Variants in CCDC169 observed in about 807,000 individuals in gnomAD.
CCDC169 encodes coiled-coil domain containing 169, also known as coiled-coil domain-containing protein 169.
In CCDC169, 30 loss-of-function variants were observed where a neutral mutation model predicts 36.0. The ratio of observed to expected loss-of-function variants is 0.83; its 90% CI spans 0.62 to 1.13. CCDC169 has a LOEUF of 1.13. Among genes scored for constraint, CCDC169 ranks in the 50% most tolerant of loss-of-function variants. The pLI is 0.00. For missense variants in CCDC169, 245 were observed against 245.9 expected (o/e 1.00, Z 0.03); for synonymous variants, 85 against 81.5 (o/e 1.04, Z -0.23).
At position 36,252,597 on chromosome 13, in the gene CCDC169, T is replaced by C. The variant is rs567467052; in HGVS notation, c.468+1206A>G. On this transcript the variant is annotated intron_variant, in intron 6 of 7. Coordinates refer to ENST00000239859, the MANE Select transcript of CCDC169 (RefSeq NM_001144981.3). The stretch of plus-strand genomic sequence containing the variant: ...ACCCTCTTTTCGGCTCTTCCTCCCT[T>C]GACTGTCACTGTTGAACTTCTTCAG... Among the ~76,000 whole-genome samples, 52 of 152,322 alleles carry C rather than the reference T, an allele frequency of 3.4e-4. 1 individual carries two copies. The South Asian group carries it at 0.011, about 32-fold the overall frequency.
chr13:36,225,127 T>G (rs1869797057), downstream of CCDC169: 5 of 152,080 alleles, frequency 3.3e-5, no homozygotes, highest in Admixed American at 1.3e-4. Flanking sequence ...TTTCACCATA[T>G]GCAAAAATTA....
intron 2 of CCDC169, among the ~76,000 whole-genome samples, chr13:36,287,100 A>C (rs1878345647): frequency 1.3e-5 from 2 of 152,296 alleles, no homozygotes; most frequent in African/African-American, 4.8e-5. Flanking sequence ...TTACAGCAAG[A>C]AAAATTTAGA....
At chr13:36,228,130 T>C (rs1457951220), downstream of CCDC169, among the ~76,000 whole-genome samples, 1 of 152,208 alleles carries the variant, frequency 6.6e-6, no homozygotes, top group East Asian at 1.9e-4. Context: ...CCACAAACCT[T>C]CCTGTACATG....
intron 4 of CCDC169, among the ~76,000 whole-genome samples, chr13:36,255,629 C>G (rs1337313718): frequency 7.2e-6 from 1 of 139,800 alleles, no homozygotes; most frequent in Non-Finnish European, 1.5e-5. Context: ...TGCCACTGCA[C>G]TCCAAGCTGA....
chr13:36,245,939 C>T (rs550822786), intron 7 of CCDC169, among the ~76,000 whole-genome samples: 1 of 152,186 alleles, frequency 6.6e-6, no homozygotes, highest in African/African-American at 2.4e-5. Flanking sequence ...TTACTATATC[C>T]GTTAATGGTG....
chr13:36,293,172 A>C (rs896407400), intron 2 of CCDC169, among the ~76,000 whole-genome samples: 4 of 152,166 alleles, frequency 2.6e-5, no homozygotes, highest in South Asian at 4.1e-4. Flanking sequence ...ACATGTGCGC[A>C]TATTTCCAGT....
chr13:36,283,869 A>G lies in CCDC169; in HGVS notation c.164-167T>C, dbSNP rs117239043. ...TTAAGTCTGTATTTCTGTTAGTAAG[A>G]TTTTCCAGACTGCAAGAATTAGACT... On this transcript the variant is annotated intron_variant, in intron 2 of 7. Transcript: ENST00000239859. Among the ~76,000 whole-genome samples the G allele has an allele frequency of 2.0e-5, 3 of 152,248 alleles. No homozygotes were observed. In the East Asian group the frequency reaches 5.8e-4, roughly 29 times the overall value.
chr13:36,289,609 C>A (rs1878629763), intron 2 of CCDC169, among the ~76,000 whole-genome samples: 1 of 152,178 alleles, frequency 6.6e-6, no homozygotes, highest in Non-Finnish European at 1.5e-5. Flanking sequence ...AGTCACACTG[C>A]AGGTTTTTCT....
chr13:36,274,868 ATTTTTTTTT>A (rs3083971), intron 4 of CCDC169, among the ~76,000 whole-genome samples: 1 of 118,508 alleles, frequency 8.4e-6, no homozygotes, highest in African/African-American at 3.2e-5. Flanking sequence ...CATTAGCTGC[ATTTTTTTTT>A]TTTTTTTTTT....
At chr13:36,286,192 G>T (rs1878233393) in intron 2 of CCDC169, among the ~76,000 whole-genome samples, 2 of 152,146 alleles carry the variant, frequency 1.3e-5, no homozygotes, top group South Asian at 4.2e-4. Flanking sequence ...CCCAGCAGCT[G>T]CCAAGACTCT....
intron 2 of CCDC169, among the ~76,000 whole-genome samples, chr13:36,285,598 G>GATAGATAGATAT (rs1878107899): frequency 6.9e-6 from 1 of 144,172 alleles, no homozygotes; most frequent in African/African-American, 2.5e-5. Context: ...TAGATAGATA[G>GATAGATAGATAT]ATAGATAGAT....
intron 4 of CCDC169, among the ~76,000 whole-genome samples, chr13:36,266,846 A>C (rs1020197087): frequency 2.0e-5 from 3 of 152,202 alleles, no homozygotes; most frequent in Non-Finnish European, 2.9e-5. Flanking sequence ...CACACCTACC[A>C]ATCAGAACAG....
chr13:36,226,640 G>C (rs1191992811), downstream of CCDC169: 1 of 152,556 alleles, frequency 6.6e-6, no homozygotes, highest in Non-Finnish European at 1.5e-5. Context: ...CATGTCCTTT[G>C]TAACAATATG....
At chr13:36,257,197 G>A (rs1463657680) in intron 4 of CCDC169, among the ~76,000 whole-genome samples, 1 of 152,196 alleles carries the variant, frequency 6.6e-6, no homozygotes, top group South Asian at 2.1e-4. Context: ...CAATGCCTTG[G>A]GGGAGTGGAA....
chr13:36,265,618 T>C (rs1056821669), intron 4 of CCDC169, among the ~76,000 whole-genome samples: 1 of 152,256 alleles, frequency 6.6e-6, no homozygotes, highest in Non-Finnish European at 1.5e-5. Flanking sequence ...TCTTTAATTA[T>C]GGCACTAATC....
chr13:36,282,548 A>C (rs1187951653), intron 4 of CCDC169: 1 of 985,120 alleles, frequency 1.0e-6, no homozygotes, highest in East Asian at 1.1e-4. Context: ...AGAGAGGACC[A>C]GTTCTGTTTA....
rs74045286 is a variant in CCDC169 at position 36,243,894 on chromosome 13, T to C, written c.545+4712A>G. 2.7e-3 allele frequency among the ~76,000 whole-genome samples: 411 copies of C among 152,314 alleles called. 2 individuals carry two copies. Among genetic ancestry groups the C allele is most frequent in the African/African-American group, 9.6e-3 (398 of 41,570 alleles). ...CCCTGAGAGATCCAACTCCCAGTAA[T>C]ATTCAATGGAAAACCAAACTGCCCT... On this transcript the variant is annotated intron_variant, in intron 7 of 7. Transcript: ENST00000239859.
At chr13:36,255,955 C>T (rs937841337) in intron 4 of CCDC169, among the ~76,000 whole-genome samples, 13 of 152,298 alleles carry the variant, frequency 8.5e-5, no homozygotes, top group East Asian at 1.9e-4. Context: ...GCGCTCAGCA[C>T]GGTGTGGGCC....
chr13:36,232,883 A>G lies in CCDC169; in HGVS notation c.546-1591T>C, dbSNP rs1285696977. ...GGCAACAGAGTGAGACTCTGTCTCT[A>G]AAAAAAAGGAAAAGCTGAGAAATGA... On this transcript the variant is annotated intron_variant, in intron 7 of 7. Coordinates refer to ENST00000239859, the MANE Select transcript of CCDC169 (RefSeq NM_001144981.3). 5.9e-5 allele frequency among the ~76,000 whole-genome samples: 9 copies of G among 151,644 alleles called. 1 individual carries two copies. In the East Asian group the frequency reaches 1.7e-3, roughly 29 times the overall value.
Sources: allele counts gnomAD v4.1 joint callset (sites outside exome capture counted in the v4.1 genomes callset), GRCh38; gene constraint gnomAD v4.1.1; transcripts MANE v1.5; gene names NCBI Gene and HGNC (gene_info 2026-07-23, HGNC 2026-07-21).